Variants in PDE4D observed in about 807,000 individuals in gnomAD.
PDE4D encodes the protein phosphodiesterase 4D.
PDE4D carries 24 observed loss-of-function variants against 87.4 expected under a neutral mutation model. The observed-to-expected ratio is 0.27, with a 90% CI of 0.20 to 0.39. The LOEUF (loss-of-function observed/expected upper bound fraction) is 0.39, where lower values mean the gene tolerates loss of function less well. Ranked by LOEUF, PDE4D falls within the 10% of genes least tolerant of loss-of-function variation. The pLI is 1.00. For missense variants in PDE4D, 714 were observed against 1,041.0 expected, an observed-to-expected ratio of 0.69 and a Z score of 4.32; for synonymous variants, 384 against 383.2, an observed-to-expected ratio of 1.00 and a Z score of -0.02.
intron 1 of PDE4D, chr5:59,587,431 T>A: frequency 1.0e-6 from 1 of 985,054 alleles, no homozygotes; most frequent in South Asian, 4.7e-5. Context: ...TGAAAGATTC[T>A]CATGCCCAAG....
intron 1 of PDE4D, among the ~76,000 whole-genome samples, chr5:59,741,556 G>A (rs1030838399): frequency 7.9e-5 from 12 of 152,216 alleles, no homozygotes; most frequent in South Asian, 6.2e-4. Flanking sequence ...TAAAGTTGCC[G>A]TATATTTATT....
intron 1 of PDE4D, among the ~76,000 whole-genome samples, chr5:59,850,786 T>C (rs1299629987): frequency 3.3e-5 from 5 of 152,052 alleles, no homozygotes; most frequent in African/African-American, 9.7e-5. Context: ...ACAGGACTTA[T>C]AAAGCTACCG....
At chr5:59,459,683 T>C (rs978065033) in intron 1 of PDE4D, among the ~76,000 whole-genome samples, 3 of 152,238 alleles carry the variant, frequency 2.0e-5, no homozygotes, top group Non-Finnish European at 4.4e-5. Flanking sequence ...CTAATTCTAA[T>C]AAACTTTGTG....
Position 60,211,605 on chromosome 5 carries a change from G to T in PDE4D, c.-89-25918C>A, listed in dbSNP as rs1583088515. 3.3e-5 allele frequency among the ~76,000 whole-genome samples: 5 copies of T among 150,144 alleles called. 1 individual carries two copies. The South Asian group carries it at 1.0e-3, about 31-fold the overall frequency. On this transcript the variant is annotated intron_variant, in intron 1 of 16. Coordinates refer to the PDE4D transcript ENST00000502484. ...TTGTATATTTTTATTTATATTATAT[G>T]AATAACATTTTTATATATTTTTTCT... is the stretch of plus-strand genomic sequence containing the variant.
chr5:59,946,295 A>C (rs13358932), intron 3 of PDE4D, among the ~76,000 whole-genome samples: 61,160 of 152,010 alleles, frequency 0.4, 13,167 homozygotes, highest in East Asian at 0.74. Flanking sequence ...CAAGCAACCT[A>C]CCACAGACAA....
At chr5:59,266,530 A>G (rs1762887736) in intron 1 of PDE4D, among the ~76,000 whole-genome samples, 1 of 151,938 alleles carries the variant, frequency 6.6e-6, no homozygotes, top group African/African-American at 2.4e-5. Context: ...TAGTCTGACC[A>G]GAGGAAGAGA....
intron 1 of PDE4D, among the ~76,000 whole-genome samples, chr5:59,483,623 T>C (rs1413898440): frequency 1.3e-5 from 2 of 152,176 alleles, no homozygotes; most frequent in Non-Finnish European, 2.9e-5. Flanking sequence ...TCCTCTGTTT[T>C]GTGTGGCTCA....
intron 2 of PDE4D, among the ~76,000 whole-genome samples, chr5:60,075,728 C>T (rs989918580): frequency 2.0e-5 from 3 of 151,780 alleles, no homozygotes; most frequent in South Asian, 2.1e-4. Flanking sequence ...TTTCTTTATT[C>T]TTGTCTGACT....
At chr5:59,104,969 T>C (rs1771349674) in intron 5 of PDE4D, among the ~76,000 whole-genome samples, 1 of 152,200 alleles carries the variant, frequency 6.6e-6, no homozygotes, top group African/African-American at 2.4e-5. Context: ...CCAAATTACA[T>C]ACTGTGATAC....
chr5:60,373,330 G>T (rs1360959113), intron 1 of PDE4D, among the ~76,000 whole-genome samples: 2 of 152,176 alleles, frequency 1.3e-5, no homozygotes, highest in East Asian at 3.9e-4. Flanking sequence ...AGCTGGCCAT[G>T]TACTCTCTGG....
intron 1 of PDE4D, among the ~76,000 whole-genome samples, chr5:59,466,770 C>T (rs1404898289): frequency 6.6e-6 from 1 of 152,114 alleles, no homozygotes; most frequent in African/African-American, 2.4e-5. Flanking sequence ...AATCCTTATC[C>T]TTGATGAACT....
chr5:59,518,983 T>C (rs985892770), intron 1 of PDE4D, among the ~76,000 whole-genome samples: 3 of 152,236 alleles, frequency 2.0e-5, no homozygotes, highest in African/African-American at 7.2e-5. Context: ...TATCTCTGTT[T>C]ATAAGACAAA....
chr5:58,995,160 G>T (rs1422686294), intron 6 of PDE4D, among the ~76,000 whole-genome samples: 1 of 152,010 alleles, frequency 6.6e-6, no homozygotes, highest in African/African-American at 2.4e-5. Flanking sequence ...TCACTTCTTT[G>T]TTCATATGTT....
chr5:59,464,945 C>T (rs1458593888), intron 1 of PDE4D, among the ~76,000 whole-genome samples: 1 of 152,150 alleles, frequency 6.6e-6, no homozygotes. Flanking sequence ...ACTTTTCCAC[C>T]CACTAAAGCC....
intron 1 of PDE4D, among the ~76,000 whole-genome samples, chr5:59,602,156 C>T (rs893567150): frequency 6.6e-6 from 1 of 151,938 alleles, no homozygotes; most frequent in African/African-American, 2.4e-5. Flanking sequence ...ATTAACAGAA[C>T]AAAGGACGAA....
chr5:60,348,427 T>C, intron 1 of PDE4D, among the ~76,000 whole-genome samples: 1 of 151,806 alleles, frequency 6.6e-6, no homozygotes, highest in East Asian at 1.9e-4. Context: ...AACCAGTAAA[T>C]CTACCTCTGA....
intron 1 of PDE4D, among the ~76,000 whole-genome samples, chr5:60,405,301 G>C (rs147272674): frequency 4.6e-4 from 70 of 152,348 alleles, no homozygotes; most frequent in Non-Finnish European, 2.6e-4. Context: ...CAAGGAATGA[G>C]TTTGCAACCT....
chr5:60,408,158 G>A (rs969328088), intron 1 of PDE4D, among the ~76,000 whole-genome samples: 3 of 152,168 alleles, frequency 2.0e-5, no homozygotes, highest in African/African-American at 4.8e-5. Flanking sequence ...TGCCCTTCAA[G>A]TCTGCACAGC....
chr5:59,598,421 C>A (rs1453757273), intron 1 of PDE4D, among the ~76,000 whole-genome samples: 1 of 152,130 alleles, frequency 6.6e-6, no homozygotes, highest in East Asian at 1.9e-4. Flanking sequence ...GAATCCTCAG[C>A]ACGTTTTATT....
Sources: gnomAD v4.1 joint callset for allele counts (sites outside exome capture counted in the v4.1 genomes callset) on GRCh38, gnomAD v4.1.1 for gene constraint, MANE v1.5 for transcripts, NCBI Gene and HGNC (gene_info 2026-07-23, HGNC 2026-07-21) for gene names.